Variants in LRP11 observed in about 807,000 individuals in gnomAD.
LRP11 encodes the protein low-density lipoprotein receptor-related protein 11.
LRP11 carries 25 observed loss-of-function variants against 43.1 expected under a neutral mutation model. The ratio of observed to expected loss-of-function variants is 0.58; its 90% confidence interval spans 0.42 to 0.81. LRP11 has a LOEUF of 0.81. Ranked by LOEUF, LRP11 falls within the 30% of genes least tolerant of loss-of-function variation. The pLI is 0.00. For missense variants in LRP11, 623 were observed against 665.1 expected, an observed-to-expected ratio of 0.94 and a Z score of 0.70; for synonymous variants, 316 against 299.4, an observed-to-expected ratio of 1.06 and a Z score of -0.57.
intron 6 of LRP11, 63 bp downstream of exon 6, chr6:149,826,201 C>T (rs761407364): frequency 1.6e-6 from 2 of 1,253,258 alleles, no homozygotes; most frequent in East Asian, 2.3e-5. Context: ...ATATCCTCAG[C>T]CAGAGGGCAT....
intron 6 of LRP11, among the ~76,000 whole-genome samples, chr6:149,824,955 G>A (rs1427317823): frequency 6.6e-6 from 1 of 152,204 alleles, no homozygotes; most frequent in Non-Finnish European, 1.5e-5. Context: ...GGGGAGGCAA[G>A]AGGCAGGCTG....
chr6:149,843,172 C>T lies in LRP11; in HGVS notation c.772-48G>A, dbSNP rs73779581. ...CACGTCGAGCAGCAGACTTGAGCTC[C>T]GAGCCCAACACCATCCTCAACCGAA... On this transcript the variant is annotated intron_variant, in intron 2 of 6. Transcript: ENST00000239367. The T allele has an allele frequency of 1.2e-3, 1,924 of 1,611,196 alleles. 19 individuals carry two copies. The African/African-American group carries it at 0.022, about 19-fold the overall frequency.
intron 1 of LRP11, among the ~76,000 whole-genome samples, chr6:149,859,396 A>ATATATAAATATATGTATTTTTTTTTT: frequency 1.4e-5 from 1 of 71,512 alleles, no homozygotes; most frequent in African/African-American, 8.2e-5. Flanking sequence ...ATATATATAT[A>ATATATAAATATATGTATTTTTTTTTT]TTTTTTTTTT....
chr6:149,850,568 G>A (rs932132734), intron 2 of LRP11, among the ~76,000 whole-genome samples: 2 of 152,198 alleles, frequency 1.3e-5, no homozygotes, highest in African/African-American at 4.8e-5. Flanking sequence ...ATGCCAAAAA[G>A]AAGTTGCTAG....
intron 5 of LRP11, among the ~76,000 whole-genome samples, chr6:149,831,772 A>G (rs2151912): frequency 0.54 from 82,754 of 152,092 alleles, 26,066 homozygotes; most frequent in African/African-American, 0.84. Flanking sequence ...AAGCTCAAGC[A>G]ATTCTCCCAC....
At position 149,820,637 on chromosome 6, in the gene LRP11, C is replaced by T. The variant is rs370217204; in HGVS notation, c.1415G>A (p.Arg472Gln). ...TALLLLMVACRLRLVKQKLKK... is the reference protein window; with the variant it reads ...TALLLLMVACQLRLVKQKLKK... ...CAGTTTCTGTTTCACCAGTCGTAGT[C>T]GGCATGCAACCATGAGAAGCAGCAG... Residue 472 changes from arginine (R) to glutamine (Q), a missense_variant, in exon 7 of 7, where the codon CGA (arginine) becomes CAA (glutamine). Transcript: ENST00000239367. The T allele has an allele frequency of 2.9e-5, 23 of 780,854 alleles. 1 individual carries two copies. Among genetic ancestry groups the T allele is most frequent in the South Asian group, 1.9e-4 (14 of 74,616 alleles). The allele number at this position is 780,854 out of a possible 1,614,324, so 48.4% of individuals were successfully genotyped here. A position where few individuals can be genotyped will look rare whatever the true frequency, so the allele number is the denominator to read the frequency against.
intron 2 of LRP11, among the ~76,000 whole-genome samples, chr6:149,850,397 G>A (rs1776701144): frequency 6.6e-6 from 1 of 152,116 alleles, no homozygotes; most frequent in Non-Finnish European, 1.5e-5. Context: ...AGCTCCTGAG[G>A]GTTAATTACT....
intron 2 of LRP11, among the ~76,000 whole-genome samples, chr6:149,843,664 T>C (rs1255433637): frequency 6.6e-6 from 1 of 152,264 alleles, no homozygotes; most frequent in Admixed American, 6.5e-5. Context: ...GGCTCTGCTA[T>C]TACTATGCTC....
chr6:149,840,571 C>T (rs946775070), intron 3 of LRP11, among the ~76,000 whole-genome samples: 3 of 152,220 alleles, frequency 2.0e-5, no homozygotes, highest in Non-Finnish European at 4.4e-5. Context: ...TGCTGGCCAT[C>T]TGCTCATATC....
At chr6:149,826,430 ACAGC>A in intron 5 of LRP11, 71 bp from the exon 6 acceptor site, 1 of 1,092,648 alleles carries the variant, frequency 9.2e-7, no homozygotes, top group Non-Finnish European at 1.4e-6. Flanking sequence ...ATGTGAAAAT[ACAGC>A]CTTATTTTTT....
chr6:149,836,311 G>A lies in LRP11; in HGVS notation c.1040-14C>T. On this transcript the variant is annotated splice_polypyrimidine_tract_variant and intron_variant, in intron 4 of 6. Transcript: ENST00000239367. ...GGTCCAGGCCCACTGAAGTGTGGAA[G>A]AGCTACTGTTAGTTGCTGGATTTCT... 6.2e-7 allele frequency: 1 copy of A among 1,611,100 alleles called. No homozygotes were observed. Among genetic ancestry groups the A allele is most frequent in the Non-Finnish European group, 8.5e-7 (1 of 1,177,586 alleles).
In LRP11 at chr6:149,859,377, C is replaced by CATATATATATAT. The variant is rs201050390; in HGVS notation, c.613+4019_613+4030dup. 3.1e-4 allele frequency among the ~76,000 whole-genome samples: 16 copies of CATATATATATAT among 51,596 alleles called. 1 individual carries two copies. In the East Asian group the frequency reaches 0.011, roughly 36 times the overall value. The allele number at this position is 51,596 out of a possible 152,430, so 33.8% of individuals were successfully genotyped here. ...TTTATTTTTATTTTTCTTGCTGACT[C>CATATATATATAT]ATATATATATATATATATATTTTTT... On this transcript the variant is annotated intron_variant, in intron 1 of 6. Transcript: ENST00000239367.
chr6:149,823,159 G>C (rs1280253870), intron 6 of LRP11, among the ~76,000 whole-genome samples: 1 of 152,218 alleles, frequency 6.6e-6, no homozygotes, highest in East Asian at 1.9e-4. Flanking sequence ...TGAGGAAAGA[G>C]ACGTCCAAGA....
intron 2 of LRP11, among the ~76,000 whole-genome samples, chr6:149,846,879 A>G (rs534352590): frequency 6.6e-6 from 1 of 152,218 alleles, no homozygotes; most frequent in East Asian, 1.9e-4. Context: ...GGTTGCAGTG[A>G]GCCAAGATTG....
At chr6:149,842,590 T>A (rs1375237936) in intron 3 of LRP11, 32 of 1,529,296 alleles carry the variant, frequency 2.1e-5, no homozygotes, top group Admixed American at 3.9e-5. Flanking sequence ...TAACCGCCAT[T>A]CCACTCTCTG....
intron 1 of LRP11, among the ~76,000 whole-genome samples, chr6:149,855,712 TAAA>T (rs533657838): frequency 0.012 from 1,522 of 122,580 alleles, 28 homozygotes; most frequent in African/African-American, 0.039. Context: ...TTTTTTTTTT[TAAA>T]AAAAAAACAC....
At chr6:149,824,834 T>C (rs1776318897) in intron 6 of LRP11, among the ~76,000 whole-genome samples, 1 of 152,198 alleles carries the variant, frequency 6.6e-6, no homozygotes, top group Non-Finnish European at 1.5e-5. Flanking sequence ...TACTCCAACC[T>C]GGACAACAGA....
rs117312474 is a variant in LRP11, at chr6:149,841,403, C to T, written c.913+1580G>A. Among the ~76,000 whole-genome samples, 665 of 152,302 alleles carry T rather than the reference C, an allele frequency of 4.4e-3. 3 individuals carry two copies. The highest frequency in any genetic ancestry group is 5.4e-3 in the Non-Finnish European group (364 of 68,030). On this transcript the variant is annotated intron_variant, in intron 3 of 6. Coordinates refer to ENST00000239367, the MANE Select transcript of LRP11 (RefSeq NM_032832.6). ...GACCACCAGTGCACCACTCTATCCC[C>T]AGTGCCTGGCAAGGACCCTGCACAC...
intron 2 of LRP11, 52 bp from the exon 3 acceptor site, chr6:149,843,176 C>T (rs1165412889): frequency 6.2e-7 from 1 of 1,608,556 alleles, no homozygotes; most frequent in South Asian, 1.1e-5. Context: ...GAGCTCCGAG[C>T]CCAACACCAT....
Sources: allele counts gnomAD v4.1 joint callset (sites outside exome capture counted in the v4.1 genomes callset), GRCh38; gene constraint gnomAD v4.1.1; transcripts MANE v1.5; gene names NCBI Gene and HGNC (gene_info 2026-07-23, HGNC 2026-07-21).